FHOD1: variants seen among roughly 807,000 people sequenced by gnomAD.
FHOD1 encodes the protein formin homology 2 domain containing 1, also known as FH1/FH2 domain-containing protein 1.
A neutral mutation model predicts 111.6 loss-of-function variants in FHOD1; 89 were observed. The ratio of observed to expected loss-of-function variants is 0.80; its 90% confidence interval spans 0.67 to 0.95. The LOEUF (loss-of-function observed/expected upper bound fraction) is 0.95. FHOD1 is among the 40% of genes least tolerant of loss of function. The pLI, the probability that FHOD1 is intolerant of heterozygous loss-of-function variation, is 0.00. For synonymous variants in FHOD1, 618 were observed against 639.0 expected, an observed-to-expected ratio of 0.97 and a Z score of 0.50; for missense variants, 1,446 against 1,554.2, an observed-to-expected ratio of 0.93 and a Z score of 1.17.
chr16:67,246,826 T>A, intron 1 of FHOD1: 2 of 204,608 alleles, frequency 9.8e-6, no homozygotes, highest in African/African-American at 2.3e-5. Context: ...CGCCCCCACC[T>A]CACCTGAAGC....
At chr16:67,234,698 C>T in intron 11 of FHOD1, 1 of 528,572 alleles carries the variant, frequency 1.9e-6, no homozygotes. Context: ...CAGGTGAAAA[C>T]ACAGGGAGAG....
rs377656389 is a variant in FHOD1 at position 67,234,712 on chromosome 16, C to G, written c.1320-240G>C. On this transcript the variant is annotated intron_variant, in intron 11 of 21. Transcript: ENST00000258201. ...CCAGGTGAAAACACAGGGAGAGGAT[C>G]TACTTAACATCTAACTTGCAACCTC... is the stretch of plus-strand genomic sequence containing the variant. The G allele has an allele frequency of 6.6e-5, 34 of 512,788 alleles. No homozygotes were observed. In the East Asian group the frequency reaches 8.3e-4, roughly 13 times the overall value. The allele number at this position is 512,788 out of a possible 1,614,324, so 31.8% of individuals were successfully genotyped here. A position where few individuals can be genotyped will look rare whatever the true frequency, so the allele number is the denominator to read the frequency against.
chr16:67,235,303 G>A (rs1447467514), intron 11 of FHOD1, among the ~76,000 whole-genome samples: 1 of 152,150 alleles, frequency 6.6e-6, no homozygotes, highest in African/African-American at 2.4e-5. Context: ...GCAGAGGTGG[G>A]TGGATTACTT....
At chr16:67,246,222 G>A (rs1039330860) in intron 1 of FHOD1, among the ~76,000 whole-genome samples, 1 of 152,166 alleles carries the variant, frequency 6.6e-6, no homozygotes, top group South Asian at 2.1e-4. Context: ...GCAAGTTTAC[G>A]CAACTCGCCG....
At position 67,237,885 on chromosome 16, in the gene FHOD1, C is replaced by T; in HGVS notation, c.643-117G>A. The T allele has an allele frequency of 1.5e-6, 2 of 1,323,534 alleles. No homozygotes were observed. Among genetic ancestry groups the T allele is most frequent in the Non-Finnish European group, 2.2e-6 (2 of 929,464 alleles). 82.0% of individuals were successfully genotyped at this position (1,323,534 alleles called of 1,614,324 possible). ...CCAGAGAGAATCTAGGCAGAATGAC[C>T]CTGGCCCCAGGCCCAGGCACTGAAG... is the stretch of plus-strand genomic sequence containing the variant. On this transcript the variant is annotated intron_variant, in intron 6 of 21. Transcript: ENST00000258201. The surrounding 1 kb of genome is among the most constrained non-coding windows in gnomAD (Gnocchi z 5.6).
rs768636188 is a variant in FHOD1 at position 67,247,447 on chromosome 16, C to A, written c.-37G>T. 4 of 1,603,630 alleles carry A rather than the reference C, an allele frequency of 2.5e-6. No individual in the cohort carries two copies. The South Asian group carries it at 4.4e-5, about 18-fold the overall frequency. ...CGGCTCACGCAGCGCGCCTCCGAGT[C>A]CCGGCCCCAGTGCAGCTTCTACTCA... On this transcript the variant is annotated 5_prime_UTR_variant, in exon 1 of 22. Transcript: ENST00000258201.
Position 67,234,198 on chromosome 16 carries a change from CAG to C in FHOD1, c.1503_1504del (p.Val503ProfsTer24), listed in dbSNP as rs774427401. ...GCTTCGCTGGGCCCGGAGCAGGACA[CAG>C]GGGGCAGGGCTCTGGGGTGTTCTGG... On this transcript the variant is annotated frameshift_variant, in exon 13 of 22. Coordinates refer to ENST00000258201, the MANE Select transcript of FHOD1 (RefSeq NM_013241.3). LOFTEE classifies it high-confidence loss of function. The C allele has an allele frequency of 1.3e-5, 20 of 1,548,284 alleles. No individual in the cohort carries two copies. The highest frequency in any genetic ancestry group is 6.8e-5 in the East Asian group (3 of 44,264).
chr16:67,234,281 A>T lies in FHOD1; in HGVS notation c.1436-14T>A. The T allele has an allele frequency of 3.2e-6, 5 of 1,579,948 alleles. No homozygotes were observed. The highest frequency in any genetic ancestry group is 4.3e-6 in the Non-Finnish European group (5 of 1,159,496). On this transcript the variant is annotated splice_polypyrimidine_tract_variant and intron_variant, in intron 12 of 21. Coordinates refer to ENST00000258201, the MANE Select transcript of FHOD1 (RefSeq NM_013241.3). ...GTTGCCGGGCATCTAAAGAAAGGGA[A>T]GGAGCTGTCAGTGCCATGCCCCCTG...
rs753177881 is a variant in FHOD1, at chr16:67,236,619, G to A, written c.1257C>T (p.Asn419=). 1.9e-6 allele frequency: 3 copies of A among 1,613,628 alleles called. No homozygotes were observed. Among genetic ancestry groups the A allele is most frequent in the Non-Finnish European group, 2.5e-6 (3 of 1,179,914 alleles). ...GPPSGLQASV[N]LFPTISVAPS... ...GTGCCACAGAGATGGTAGGAAAAAG[G>A]TTCACTGAAGCTTGGAGACCGGAGG... The change falls in exon 11 of 22, where the codon AAC becomes AAT. Residue 419 remains asparagine, a synonymous_variant. Transcript: ENST00000258201.
chr16:67,240,734 C>T (rs991969222), intron 1 of FHOD1, among the ~76,000 whole-genome samples: 1 of 152,308 alleles, frequency 6.6e-6, no homozygotes, highest in African/African-American at 2.4e-5. Flanking sequence ...TCCTGTGAGT[C>T]GGAGGGTGGC....
intron 1 of FHOD1, 160 bp downstream of exon 1, chr16:67,247,049 TC>T: frequency 1.3e-6 from 1 of 775,062 alleles, no homozygotes; most frequent in Non-Finnish European, 1.9e-6. Context: ...GAGAGGGGAC[TC>T]CCCCGCAGGC....
Position 67,230,432 on chromosome 16 carries a change from T to C in FHOD1, c.2933A>G (p.His978Arg), listed in dbSNP as rs762980260. 7.6e-5 allele frequency: 122 copies of C among 1,614,106 alleles called. No homozygotes were observed. Among genetic ancestry groups the C allele is most frequent in the Non-Finnish European group, 9.4e-5 (111 of 1,180,036 alleles). The change falls in exon 19 of 22, where the codon CAC becomes CGC. Residue 978 changes from histidine (H) to arginine (R), a missense_variant. His to Arg is a conservative substitution (Grantham distance 29). This residue lies in a region of FHOD1 where 1,085 missense variants were observed against 1,108.8 expected (regional missense o/e 0.98). Transcript: ENST00000258201. ...AREVRIMQFC[H>R]TLREFALEYR... ...CTCAAGCGCAAATTCCCGCAGCGTG[T>C]GGCAGAACTGCATGATGCGCACTTC...
chr16:67,234,541 C>A, intron 11 of FHOD1, 69 bp from the exon 12 acceptor site: 1 of 1,323,646 alleles, frequency 7.6e-7, no homozygotes. Flanking sequence ...CCTTGCTGAG[C>A]CCCTGGACAC....
Position 67,232,168 on chromosome 16 carries a change from C to A in FHOD1, c.2073G>T (p.Met691Ile). 1.9e-6 allele frequency: 3 copies of A among 1,614,154 alleles called. No individual in the cohort carries two copies. Among genetic ancestry groups the A allele is most frequent in the Non-Finnish European group, 2.5e-6 (3 of 1,180,036 alleles). Reference sequence around the variant, plus strand: ...TGCGCTTGGGGTCCAGCACTGTGGTCATTGTCCGGCGGCCCTCTCCAGCTT... The same window carrying A: ...TGCGCTTGGGGTCCAGCACTGTGGTAATTGTCCGGCGGCCCTCTCCAGCTT... ...SKKAGEGRRTMTTVLDPKRSN... is the reference protein window; with the variant it reads ...SKKAGEGRRTITTVLDPKRSN... Residue 691 changes from methionine (M) to isoleucine (I), a missense_variant, in exon 14 of 22, where the codon ATG (methionine) becomes ATT (isoleucine). Met to Ile is a conservative substitution (Grantham distance 10, BLOSUM62 1). Coordinates refer to ENST00000258201, the MANE Select transcript of FHOD1 (RefSeq NM_013241.3).
In FHOD1 at chr16:67,247,473, A is replaced by G; in HGVS notation, c.-63T>C. On this transcript the variant is annotated 5_prime_UTR_variant, in exon 1 of 22. Coordinates refer to ENST00000258201, the MANE Select transcript of FHOD1 (RefSeq NM_013241.3). The stretch of plus-strand genomic sequence containing the variant: ...CCGGCCCCAGTGCAGCTTCTACTCA[A>G]AGCACACTGTAGCTCCGCGGTTCGG... 1.3e-6 allele frequency: 2 copies of G among 1,541,182 alleles called. No individual in the cohort carries two copies. Among genetic ancestry groups the G allele is most frequent in the East Asian group, 2.3e-5 (1 of 43,120 alleles).
chr16:67,237,770 TGAG>T lies in FHOD1; in HGVS notation c.643-5_643-3del. 6.2e-7 allele frequency: 1 copy of T among 1,613,610 alleles called. No homozygotes were observed. Among genetic ancestry groups the T allele is most frequent in the Non-Finnish European group, 8.5e-7 (1 of 1,179,560 alleles). ...GGCTGTCTTCACCACCAAGCGGGAC[TGAG>T]GAGAGAGGTCAGTACATATGAGTGG... On this transcript the variant is annotated splice_region_variant and splice_polypyrimidine_tract_variant and intron_variant, in intron 6 of 21. Coordinates refer to ENST00000258201, the MANE Select transcript of FHOD1 (RefSeq NM_013241.3). The surrounding 1 kb of genome is among the most constrained non-coding windows in gnomAD (Gnocchi z 5.6).
At position 67,229,399 on chromosome 16, in the gene FHOD1, T is replaced by C. The variant is rs2034152328; in HGVS notation, c.*237A>G. 3 of 596,450 alleles carry C rather than the reference T, an allele frequency of 5.0e-6. No individual in the cohort carries two copies. Among genetic ancestry groups the C allele is most frequent in the Non-Finnish European group, 8.8e-6 (3 of 339,034 alleles). 36.9% of individuals were successfully genotyped at this position (596,450 alleles called of 1,614,324 possible). On this transcript the variant is annotated 3_prime_UTR_variant, in exon 22 of 22. Coordinates refer to ENST00000258201, the MANE Select transcript of FHOD1 (RefSeq NM_013241.3). ...AAGAAGAGAAACCTGTTGGATTAGC[T>C]AAGAAAATTTTATTTTGCTCCGTGC... is the stretch of plus-strand genomic sequence containing the variant.
intron 1 of FHOD1, among the ~76,000 whole-genome samples, chr16:67,244,939 G>A (rs190074262): frequency 9.2e-5 from 14 of 152,302 alleles, no homozygotes; most frequent in East Asian, 3.9e-4. Context: ...ATAGGACTAC[G>A]GGAGGAACCA....
At chr16:67,246,219 T>G (rs1008832480) in intron 1 of FHOD1, among the ~76,000 whole-genome samples, 61 of 152,128 alleles carry the variant, frequency 4.0e-4, no homozygotes, top group Non-Finnish European at 1.6e-4. Flanking sequence ...GGGGCAAGTT[T>G]ACGCAACTCG....
Sources: gnomAD v4.1 joint callset for allele counts (sites outside exome capture counted in the v4.1 genomes callset) on GRCh38, gnomAD v4.1.1 for gene constraint, gnomAD v4.1.1 regional missense constraint, Gnocchi (gnomAD v3.1) non-coding constraint, MANE v1.5 for transcripts, NCBI Gene and HGNC (gene_info 2026-07-23, HGNC 2026-07-21) for gene names.